TENM1: variants seen among roughly 807,000 people sequenced by gnomAD.
TENM1 encodes the protein teneurin-1.
TENM1 carries 35 observed loss-of-function variants against 174.8 expected under a neutral mutation model. The ratio of observed to expected loss-of-function variants is 0.20; its 90% CI spans 0.15 to 0.27. The LOEUF is 0.27. Among genes scored for constraint, TENM1 ranks in the 10% least tolerant of loss-of-function variants. The pLI is 1.00. For synonymous variants in TENM1, 781 were observed against 798.7 expected, an observed-to-expected ratio of 0.98 and a Z score of 0.37; for missense variants, 1,633 against 2,130.1, an observed-to-expected ratio of 0.77 and a Z score of 4.59.
chrX:124,665,674 G>A (rs185554661), intron 6 of TENM1, among the ~76,000 whole-genome samples: 60 of 111,879 alleles, frequency 5.4e-4, no homozygotes, highest in African/African-American at 1.8e-3. Context: ...GAACACTAAC[G>A]CATAGTGTGT....
chrX:124,481,958 A>G (rs2046855860), exon 22 of TENM1: 1 of 1,158,434 alleles, frequency 8.6e-7, no homozygotes, highest in Admixed American at 2.3e-5. Flanking sequence ...TGTGAGCAGG[A>G]CTTGTGCTAA....
intron 1 of TENM1, among the ~76,000 whole-genome samples, chrX:124,917,928 C>T (rs1371594613): frequency 1.8e-5 from 2 of 112,283 alleles, no homozygotes; most frequent in African/African-American, 6.5e-5. Flanking sequence ...TACGCTCTGA[C>T]ATCAGCTTTG....
chrX:124,501,599 T>G (rs764499563), intron 19 of TENM1, among the ~76,000 whole-genome samples: 4 of 111,954 alleles, frequency 3.6e-5, no homozygotes. Flanking sequence ...AAAAGCAGGA[T>G]GCCTAAAGAG....
intron 3 of TENM1, among the ~76,000 whole-genome samples, chrX:124,810,901 A>C (rs2055754422): frequency 8.9e-6 from 1 of 111,804 alleles, no homozygotes; most frequent in Admixed American, 9.5e-5. Flanking sequence ...CCATGGATTT[A>C]TAGCCAAATG....
At chrX:124,894,299 G>C in exon 3 of TENM1, 2 of 1,199,718 alleles carry the variant, frequency 1.7e-6, no homozygotes, top group Non-Finnish European at 2.3e-6. Flanking sequence ...CACTTGCCTT[G>C]AGTAGACCCA....
chrX:124,945,394 G>A, intron 1 of TENM1, among the ~76,000 whole-genome samples: 1 of 110,680 alleles, frequency 9.0e-6, no homozygotes, highest in South Asian at 3.9e-4. Flanking sequence ...ATAGGCTTTG[G>A]GCTTTAAGAG....
At chrX:124,695,157 G>A (rs886494321) in intron 5 of TENM1, among the ~76,000 whole-genome samples, 8 of 111,046 alleles carry the variant, frequency 7.2e-5, no homozygotes, top group African/African-American at 2.3e-4. Context: ...GAAGAGGGTA[G>A]GATGGGTATT....
chrX:124,607,135 G>T (rs924283009), intron 11 of TENM1, among the ~76,000 whole-genome samples: 1 of 111,598 alleles, frequency 9.0e-6, no homozygotes, highest in Admixed American at 9.5e-5. Flanking sequence ...GATGAGCCAA[G>T]TACTATTCCA....
exon 30 of TENM1, chrX:124,384,697 A>G: frequency 8.3e-7 from 1 of 1,211,471 alleles, no homozygotes; most frequent in Non-Finnish European, 1.1e-6. Flanking sequence ...CTGTTCTGCC[A>G]GAGACATCAA....
At chrX:124,475,158 C>A (rs1465874154) in intron 22 of TENM1, among the ~76,000 whole-genome samples, 2 of 110,543 alleles carry the variant, frequency 1.8e-5, no homozygotes, top group African/African-American at 3.3e-5. Context: ...CAGAACAGAT[C>A]CACTTCTCAG....
chrX:124,899,174 T>C (rs918962384), intron 1 of TENM1, among the ~76,000 whole-genome samples: 39 of 111,270 alleles, frequency 3.5e-4, no homozygotes, highest in African/African-American at 1.3e-3. Flanking sequence ...GCACCACAAG[T>C]AGTTGTTTTC....
chrX:124,435,433 A>G (rs1351778022), intron 23 of TENM1, among the ~76,000 whole-genome samples: 1 of 111,749 alleles, frequency 8.9e-6, no homozygotes, highest in Non-Finnish European at 1.9e-5. Context: ...TTATGTTTTC[A>G]TTTCTGTAGC....
At chrX:124,778,732 G>A (rs1197887704) in intron 3 of TENM1, among the ~76,000 whole-genome samples, 2 of 111,593 alleles carry the variant, frequency 1.8e-5, no homozygotes, top group South Asian at 3.7e-4. Context: ...ATTTTAATTC[G>A]TAGATAGCAC....
chrX:125,137,345 C>A, the TENM1 span, among the ~76,000 whole-genome samples: 12 of 109,843 alleles, frequency 1.1e-4, no homozygotes, highest in Non-Finnish European at 2.3e-4. Context: ...TCATTTTGAC[C>A]ACTTTAAAAA....
chrX:124,595,087 C>T (rs1181177086), intron 11 of TENM1, among the ~76,000 whole-genome samples: 2 of 112,382 alleles, frequency 1.8e-5, no homozygotes, highest in Admixed American at 1.9e-4. Flanking sequence ...AAAGAAGCAG[C>T]TTCCTCCCAC....
At chrX:124,857,666 T>C (rs2056838749) in intron 3 of TENM1, among the ~76,000 whole-genome samples, 1 of 110,886 alleles carries the variant, frequency 9.0e-6, no homozygotes, top group African/African-American at 3.3e-5. Context: ...ATTGTGGTGA[T>C]AGTTGCACCA....
At chrX:124,908,084 G>A (rs932566767) in intron 1 of TENM1, among the ~76,000 whole-genome samples, 1 of 111,811 alleles carries the variant, frequency 8.9e-6, no homozygotes, top group Non-Finnish European at 1.9e-5. Context: ...AATGAATGGA[G>A]GTCAAGCTAG....
intron 1 of TENM1, among the ~76,000 whole-genome samples, chrX:124,937,685 A>G: frequency 8.9e-6 from 1 of 112,105 alleles, no homozygotes; most frequent in Non-Finnish European, 1.9e-5. Context: ...AGGGTGATAA[A>G]CTTAGCACCA....
intron 5 of TENM1, among the ~76,000 whole-genome samples, chrX:124,674,653 A>C (rs1459458177): frequency 9.0e-6 from 1 of 111,493 alleles, no homozygotes; most frequent in African/African-American, 3.3e-5. Flanking sequence ...GTTCTGAGTA[A>C]GGTATGGTAT....
Sources: gnomAD v4.1 joint callset for allele counts (sites outside exome capture counted in the v4.1 genomes callset) on GRCh38, gnomAD v4.1.1 for gene constraint, MANE v1.5 for transcripts, NCBI Gene and HGNC (gene_info 2026-07-23, HGNC 2026-07-21) for gene names.